The following BAZ2B variants were observed in gnomAD, a reference collection of about 807,000 sequenced individuals.
The protein encoded by BAZ2B is bromodomain adjacent to zinc finger domain protein 2B.
Under a neutral mutation model 246.0 loss-of-function variants are expected in BAZ2B, and 91 were observed. The observed-to-expected ratio is 0.37, with a 90% CI of 0.31 to 0.44. BAZ2B has a LOEUF of 0.44. Ranked by LOEUF, BAZ2B falls within the 20% of genes least tolerant of loss-of-function variation. The probability of loss-of-function intolerance (pLI) is 1.00; values close to 1 mark genes in which losing one functional copy is unlikely to be tolerated. For missense variants in BAZ2B, 2,332 were observed against 2,533.7 expected (o/e 0.92, Z 1.71); for synonymous variants, 855 against 860.0 (o/e 0.99, Z 0.10).
intron 1 of BAZ2B, among the ~76,000 whole-genome samples, chr2:159,606,862 TTG>T (rs1376684979): frequency 6.6e-6 from 1 of 152,056 alleles, no homozygotes; most frequent in Admixed American, 6.5e-5. Context: ...TTTCATACAT[TTG>T]TGTTTTGAAA....
intron 1 of BAZ2B, among the ~76,000 whole-genome samples, chr2:159,580,780 G>C (rs1686570869): frequency 6.6e-6 from 1 of 152,092 alleles, no homozygotes; most frequent in South Asian, 2.1e-4. Context: ...ACAACCATCT[G>C]ATCTTTGACA....
intron 3 of BAZ2B, among the ~76,000 whole-genome samples, chr2:159,478,263 A>G (rs1459084175): frequency 6.6e-6 from 1 of 152,168 alleles, no homozygotes; most frequent in Admixed American, 6.5e-5. Context: ...AGTGTCTACC[A>G]AGGACTTCCT....
At chr2:159,367,103 G>A (rs2060300249) in intron 27 of BAZ2B, among the ~76,000 whole-genome samples, 2 of 152,134 alleles carry the variant, frequency 1.3e-5, no homozygotes. Flanking sequence ...CCTTTGTAAT[G>A]CAAACTCCCT....
intron 4 of BAZ2B, among the ~76,000 whole-genome samples, chr2:159,451,809 T>A (rs978738737): frequency 6.6e-6 from 1 of 152,154 alleles, no homozygotes; most frequent in Admixed American, 6.5e-5. Flanking sequence ...AGATGAGTAA[T>A]TTTTTAAATG....
chr2:159,628,793 T>C, the BAZ2B span, among the ~76,000 whole-genome samples: 5 of 152,262 alleles, frequency 3.3e-5, no homozygotes, highest in East Asian at 7.7e-4. Context: ...CCAGAAGTAA[T>C]GGCAACAAAA....
chr2:159,408,775 C>T (rs1576667528), intron 14 of BAZ2B, among the ~76,000 whole-genome samples: 1 of 152,098 alleles, frequency 6.6e-6, no homozygotes, highest in Non-Finnish European at 1.5e-5. Flanking sequence ...CAAAAATTAG[C>T]CGGGCGTTGT....
At chr2:159,407,029 C>G (rs1158463031) in intron 14 of BAZ2B, among the ~76,000 whole-genome samples, 1 of 151,650 alleles carries the variant, frequency 6.6e-6, no homozygotes, top group Non-Finnish European at 1.5e-5. Context: ...GCTGGGATTA[C>G]AGGCGTGAGC....
intron 1 of BAZ2B, among the ~76,000 whole-genome samples, chr2:159,567,481 C>A (rs1237786217): frequency 6.6e-6 from 1 of 152,164 alleles, no homozygotes; most frequent in Non-Finnish European, 1.5e-5. Context: ...AAAGATACTG[C>A]AGCAATAAAT....
chr2:159,461,419 C>G (rs1490344245), intron 3 of BAZ2B: 1 of 152,526 alleles, frequency 6.6e-6, no homozygotes, highest in Non-Finnish European at 1.5e-5. Context: ...TAGAAGAAAT[C>G]GTTAGTATTT....
the BAZ2B span, among the ~76,000 whole-genome samples, chr2:159,649,022 T>A: frequency 6.6e-6 from 1 of 152,158 alleles, no homozygotes; most frequent in African/African-American, 2.4e-5. Flanking sequence ...TTCTAATAGG[T>A]GTGTGGTGTT....
intron 16 of BAZ2B, 129 bp from the exon 17 acceptor site, chr2:159,400,793 C>A: frequency 1.9e-6 from 1 of 512,932 alleles, no homozygotes; most frequent in Non-Finnish European, 3.5e-6. Context: ...GTAATCCCAG[C>A]ACTTTGGGAG....
At chr2:159,344,969 G>A (rs113353693) in intron 31 of BAZ2B, among the ~76,000 whole-genome samples, 7,428 of 152,194 alleles carry the variant, frequency 0.049, 268 homozygotes, top group Middle Eastern at 0.082. Context: ...CAGCACTTTC[G>A]GAGGCCGAGG....
At chr2:159,432,577 C>T (rs998194889) in intron 9 of BAZ2B, among the ~76,000 whole-genome samples, 180 bp downstream of exon 9, 3 of 152,182 alleles carry the variant, frequency 2.0e-5, no homozygotes, top group Non-Finnish European at 2.9e-5. Context: ...AGCTGAGAAT[C>T]TGACTTAGGA....
chr2:159,350,488 A>G, intron 27 of BAZ2B, 131 bp from the exon 28 acceptor site: 1 of 779,190 alleles, frequency 1.3e-6, no homozygotes, highest in Non-Finnish European at 1.8e-6. Flanking sequence ...AATACTCCCT[A>G]TATTTTCCTT....
At chr2:159,340,804 C>G (rs4665061) in intron 31 of BAZ2B, among the ~76,000 whole-genome samples, 139,218 of 152,128 alleles carry the variant, frequency 0.92, 64,979 homozygotes, top group East Asian at 1. Context: ...ACCACCATCA[C>G]GAAAATATGA....
rs114747982 is a variant in BAZ2B at position 159,560,979 on chromosome 2, G to A, written c.-45-5114C>T. 7.4e-3 allele frequency among the ~76,000 whole-genome samples: 1,121 copies of A among 152,144 alleles called. 15 individuals carry two copies. The highest frequency in any genetic ancestry group is 0.025 in the African/African-American group (1,038 of 41,488). ...GAAAATAATAGAAAACTATATACTG[G>A]GAAACTGGTGACAATGTGATCTATC... On this transcript the variant is annotated intron_variant, in intron 1 of 36. Coordinates refer to ENST00000392783, the MANE Select transcript of BAZ2B (RefSeq NM_013450.4).
intron 3 of BAZ2B, among the ~76,000 whole-genome samples, chr2:159,475,880 C>G (rs1213914624): frequency 6.6e-6 from 1 of 152,202 alleles, no homozygotes; most frequent in African/African-American, 2.4e-5. Context: ...GGGTGCAGAA[C>G]AGCAAAGATT....
At chr2:159,603,097 A>G (rs1443785675) in intron 1 of BAZ2B, among the ~76,000 whole-genome samples, 2 of 152,266 alleles carry the variant, frequency 1.3e-5, no homozygotes, top group Non-Finnish European at 2.9e-5. Context: ...AGATCGCACC[A>G]CTGCACTCCA....
At chr2:159,712,011 C>T in the BAZ2B span, 1 of 147,570 alleles carries the variant, frequency 6.8e-6, no homozygotes, top group Non-Finnish European at 1.5e-5. Context: ...GGCAGGGAAG[C>T]AAGCGGGGAG....
Sources: allele counts gnomAD v4.1 joint callset (sites outside exome capture counted in the v4.1 genomes callset), GRCh38; gene constraint gnomAD v4.1.1; transcripts MANE v1.5; gene names NCBI Gene and HGNC (gene_info 2026-07-23, HGNC 2026-07-21).